The following CSDE1 variants were observed in gnomAD, a reference collection of about 807,000 sequenced individuals.
The protein encoded by CSDE1 is cold shock domain-containing protein E1.
In CSDE1, 17 loss-of-function variants were observed where a neutral mutation model predicts 89.3. The observed-to-expected ratio is 0.19, with a 90% CI of 0.13 to 0.29. CSDE1 has a LOEUF of 0.29. Among genes scored for constraint, CSDE1 ranks in the 10% least tolerant of loss-of-function variants. The probability of loss-of-function intolerance (pLI) is 1.00; values close to 1 mark genes in which losing one functional copy is unlikely to be tolerated. For missense variants in CSDE1, 672 were observed against 984.2 expected (o/e 0.68, Z 4.24); for synonymous variants, 322 against 332.8 (o/e 0.97, Z 0.35).
At chr1:114,756,452 C>T (rs1438903855) in intron 1 of CSDE1, among the ~76,000 whole-genome samples, 1 of 152,066 alleles carries the variant, frequency 6.6e-6, no homozygotes, top group Non-Finnish European at 1.5e-5. Context: ...AAAAGAAAAC[C>T]AAGGTATGTA....
chr1:114,737,878 G>C, intron 4 of CSDE1, 85 bp downstream of exon 4: 1 of 918,654 alleles, frequency 1.1e-6, no homozygotes, highest in South Asian at 1.3e-5. Flanking sequence ...GCAAACTGAG[G>C]AGATGGGGAG....
chr1:114,750,461 C>T (rs1481667120), intron 1 of CSDE1, among the ~76,000 whole-genome samples: 2 of 152,118 alleles, frequency 1.3e-5, no homozygotes, highest in African/African-American at 4.8e-5. Flanking sequence ...CCCAAATAAG[C>T]TCAGTTACAT....
rs1660293329 is a variant in CSDE1 at position 114,734,635 on chromosome 1, T to A, written c.501-112A>T. The A allele has an allele frequency of 4.1e-6, 3 of 731,398 alleles. No homozygotes were observed. The African/African-American group carries it at 5.5e-5, about 13-fold the overall frequency. The allele number at this position is 731,398 out of a possible 1,614,324, so 45.3% of individuals were successfully genotyped here. On this transcript the variant is annotated intron_variant, in intron 6 of 19. Transcript: ENST00000358528. ...GTTTCCTGGGGCTTTAAGAATTCTATCATCACTAAGAATAAATACAGGGTT... is the reference window on the plus strand; with the variant it reads ...GTTTCCTGGGGCTTTAAGAATTCTAACATCACTAAGAATAAATACAGGGTT...
chr1:114,719,328 A>C (rs1243688230), intron 18 of CSDE1, among the ~76,000 whole-genome samples: 4 of 152,254 alleles, frequency 2.6e-5, no homozygotes, highest in Non-Finnish European at 5.9e-5. Context: ...ATTATGAATC[A>C]GCATGGCTAA....
chr1:114,737,728 A>G (rs1004704780), intron 4 of CSDE1, among the ~76,000 whole-genome samples, 165 bp from the exon 5 acceptor site: 10 of 152,222 alleles, frequency 6.6e-5, no homozygotes, highest in African/African-American at 2.4e-4. Context: ...CAGTATGTAA[A>G]TTGACTGTAA....
intron 19 of CSDE1, 40 bp downstream of exon 19, chr1:114,718,573 C>A (rs1659332679): frequency 6.3e-7 from 1 of 1,597,276 alleles, no homozygotes; most frequent in African/African-American, 1.3e-5. Context: ...TTATGTTGGT[C>A]TATCAGTTGG....
chr1:114,736,707 G>A (rs1031454180), intron 6 of CSDE1, 51 bp downstream of exon 6: 1 of 1,137,968 alleles, frequency 8.8e-7, no homozygotes, highest in Non-Finnish European at 1.3e-6. Context: ...CTTAATGGAG[G>A]GGGGAAAAAA....
chr1:114,742,943 C>CATA (rs1660810460), intron 2 of CSDE1, among the ~76,000 whole-genome samples: 1 of 152,186 alleles, frequency 6.6e-6, no homozygotes, highest in African/African-American at 2.4e-5. Context: ...TTTATAATAT[C>CATA]CCTCACTTCA....
chr1:114,750,912 A>G (rs914344651), intron 1 of CSDE1, among the ~76,000 whole-genome samples: 1 of 152,210 alleles, frequency 6.6e-6, no homozygotes, highest in African/African-American at 2.4e-5. Flanking sequence ...GCATCAAGTG[A>G]AGTCTTCTGC....
intron 1 of CSDE1, chr1:114,756,929 T>TA (rs1207243290): frequency 1.3e-5 from 2 of 152,216 alleles, no homozygotes; most frequent in Non-Finnish European, 2.9e-5. Flanking sequence ...TTCGTATTGA[T>TA]AAAATAGCAT....
Position 114,717,472 on chromosome 1 carries a change from C to T in CSDE1, c.*697G>A, listed in dbSNP as rs1354299952. On this transcript the variant is annotated 3_prime_UTR_variant, in exon 20 of 20. Transcript: ENST00000358528. Reference sequence around the variant, plus strand: ...CTCCTCATTTGCATGAAATTCTGCACCATACTTACTAATTGTAGTAAAGTT... The same window carrying T: ...CTCCTCATTTGCATGAAATTCTGCATCATACTTACTAATTGTAGTAAAGTT... 6.6e-6 allele frequency: 1 copy of T among 152,400 alleles called. No individual in the cohort carries two copies. Among genetic ancestry groups the T allele is most frequent in the Admixed American group, 6.6e-5 (1 of 15,244 alleles). 9.4% of individuals were successfully genotyped at this position (152,400 alleles called of 1,614,324 possible).
intron 10 of CSDE1, 120 bp from the exon 11 acceptor site, chr1:114,730,768 T>C: frequency 1.7e-6 from 2 of 1,160,932 alleles, no homozygotes; most frequent in South Asian, 1.4e-5. Context: ...ACAAATACTG[T>C]ATCCACATTT....
intron 1 of CSDE1, among the ~76,000 whole-genome samples, 163 bp downstream of exon 1, chr1:114,757,761 CG>C (rs1164636688): frequency 6.6e-6 from 1 of 152,094 alleles, no homozygotes; most frequent in Non-Finnish European, 1.5e-5. Context: ...GAACGGGAGA[CG>C]TATGAAAAAG....
intron 2 of CSDE1, among the ~76,000 whole-genome samples, chr1:114,741,231 AG>A (rs2101060755): frequency 6.6e-6 from 1 of 152,336 alleles, no homozygotes; most frequent in Admixed American, 6.5e-5. Context: ...GCTGTAAACC[AG>A]GGCTTCTCAA....
chr1:114,740,875 G>A (rs190844869), intron 2 of CSDE1, among the ~76,000 whole-genome samples: 2 of 152,254 alleles, frequency 1.3e-5, no homozygotes, highest in Non-Finnish European at 2.9e-5. Flanking sequence ...TGATTTATAA[G>A]TATTTCCATT....
At chr1:114,741,879 G>C (rs951510055) in intron 2 of CSDE1, among the ~76,000 whole-genome samples, 1 of 152,106 alleles carries the variant, frequency 6.6e-6, no homozygotes, top group African/African-American at 2.4e-5. Flanking sequence ...CAACAATTCT[G>C]AAAATGCCAC....
In CSDE1 at chr1:114,749,821, C is replaced by T. The variant is rs1661213702; in HGVS notation, c.-1G>A. Reference sequence around the variant, plus strand: ...TCTTAATAGGAAATTACAAACCTACCTCGCAGTGATACTCAAATATTGCAC... The same window carrying T: ...TCTTAATAGGAAATTACAAACCTACTTCGCAGTGATACTCAAATATTGCAC... On this transcript the variant is annotated splice_region_variant and 5_prime_UTR_variant, in exon 2 of 20. Coordinates refer to ENST00000358528, the MANE Select transcript of CSDE1 (RefSeq NM_001007553.3). 6.6e-6 allele frequency: 1 copy of T among 152,522 alleles called. No individual in the cohort carries two copies. Among genetic ancestry groups the T allele is most frequent in the African/African-American group, 2.4e-5 (1 of 41,426 alleles). The allele number at this position is 152,522 out of a possible 1,614,324, so 9.4% of individuals were successfully genotyped here.
Position 114,737,491 on chromosome 1 carries a change from C to G in CSDE1, c.382G>C (p.Val128Leu). Residue 128 changes from valine (V) to leucine (L), a missense_variant, in exon 5 of 20, where the codon GTA becomes CTA. Physicochemically the swap from Val to Leu is conservative, Grantham distance 32 (BLOSUM62 1). Coordinates refer to ENST00000358528, the MANE Select transcript of CSDE1 (RefSeq NM_001007553.3). ...TTTACCCCATTACGTTCGTAGCATA[C>G]ACTCCCTGTTGGACTCTGACCCGGG... The part of the protein sequence containing the change: ...AAPGQSPTGS[V>L]CYERNGEVFY... 2 of 1,613,824 alleles carry G rather than the reference C, an allele frequency of 1.2e-6. No individual in the cohort carries two copies. Among genetic ancestry groups the G allele is most frequent in the South Asian group, 2.2e-5 (2 of 91,068 alleles).
At chr1:114,718,787 G>A in intron 18 of CSDE1, 42 bp from the exon 19 acceptor site, 1 of 1,604,324 alleles carries the variant, frequency 6.2e-7, no homozygotes, top group Non-Finnish European at 8.5e-7. Flanking sequence ...ACACTTGGTG[G>A]GCAGACAGCA....
Sources: allele counts gnomAD v4.1 joint callset (sites outside exome capture counted in the v4.1 genomes callset), GRCh38; gene constraint gnomAD v4.1.1; transcripts MANE v1.5; gene names NCBI Gene and HGNC (gene_info 2026-07-23, HGNC 2026-07-21).